Variants in SPATA21 observed in about 807,000 individuals in gnomAD.
SPATA21 encodes the protein spermatogenesis associated 21, also known as spermatogenesis-associated protein 21.
In SPATA21, 47 loss-of-function variants were observed where a neutral mutation model predicts 54.8. The ratio of observed to expected loss-of-function variants is 0.86; its 90% CI spans 0.68 to 1.09. The LOEUF is 1.09. Among genes scored for constraint, SPATA21 ranks in the 50% least tolerant of loss-of-function variants. SPATA21 has a pLI of 0.00. For synonymous variants in SPATA21, 245 were observed against 235.3 expected, an observed-to-expected ratio of 1.04 and a Z score of -0.38; for missense variants, 599 against 596.4, an observed-to-expected ratio of 1.00 and a Z score of -0.05.
chr1:16,401,951 A>T (rs1447424558), intron 10 of SPATA21, among the ~76,000 whole-genome samples: 7 of 152,184 alleles, frequency 4.6e-5, no homozygotes, highest in Non-Finnish European at 8.8e-5. Context: ...ACATCCACAC[A>T]GGGTCCCTGT....
At chr1:16,429,197 C>T (rs1406563637) in intron 3 of SPATA21, among the ~76,000 whole-genome samples, 1 of 149,538 alleles carries the variant, frequency 6.7e-6, no homozygotes, top group Admixed American at 6.6e-5. Flanking sequence ...AGAACGGGGT[C>T]TCGCTATATT....
intron 5 of SPATA21, among the ~76,000 whole-genome samples, chr1:16,419,082 A>G (rs914073276): frequency 2.0e-5 from 3 of 152,228 alleles, no homozygotes; most frequent in Non-Finnish European, 4.4e-5. Context: ...CTACAAAGAC[A>G]ATAAAACAGG....
chr1:16,404,693 C>G (rs1557645841), intron 8 of SPATA21, among the ~76,000 whole-genome samples: 1 of 152,034 alleles, frequency 6.6e-6, no homozygotes, highest in Non-Finnish European at 1.5e-5. Flanking sequence ...GCCTATAGCC[C>G]CAATTACTCA....
chr1:16,435,402 C>T (rs1345083976), intron 1 of SPATA21, among the ~76,000 whole-genome samples: 4 of 151,948 alleles, frequency 2.6e-5, no homozygotes, highest in Admixed American at 6.6e-5. Context: ...CTGCAACCTC[C>T]GTCTCCCGTG....
At chr1:16,432,031 G>C (rs183634422) in intron 2 of SPATA21, among the ~76,000 whole-genome samples, 1 of 152,098 alleles carries the variant, frequency 6.6e-6, no homozygotes, top group African/African-American at 2.4e-5. Flanking sequence ...GTCTCCAGCG[G>C]CAATCTGCAG....
In SPATA21 at chr1:16,425,359, T is replaced by C. The variant is rs1451107289; in HGVS notation, c.35-3388A>G. ...GCAGTGGCCTGAACATAGCTCATTG[T>C]AGCCTTGACCTCCTGGGCTCAAGGG... On this transcript the variant is annotated intron_variant, in intron 3 of 12. Transcript: ENST00000335496. The C allele has an allele frequency of 8.3e-6, 6 of 724,010 alleles. No homozygotes were observed. The East Asian group carries it at 1.7e-4, about 20-fold the overall frequency. 44.8% of individuals were successfully genotyped at this position (724,010 alleles called of 1,614,324 possible).
At position 16,399,394 on chromosome 1, in the gene SPATA21, C is replaced by T; in HGVS notation, c.1302G>A (p.Leu434=). The T allele has an allele frequency of 6.2e-7, 1 of 1,613,820 alleles. No homozygotes were observed. The highest frequency in any genetic ancestry group is 8.5e-7 in the Non-Finnish European group (1 of 1,179,900). The change falls in exon 12 of 13, where the codon CTG becomes CTA. Residue 434 remains leucine (L), a synonymous_variant. Coordinates refer to ENST00000335496, the MANE Select transcript of SPATA21 (RefSeq NM_198546.1). ...YALDQCTPPG[L]DPDIRSPFFQ... is the part of the protein sequence containing the mutation. ...AGAAGGGGCTGCGGATGTCAGGATC[C>T]AGGCCAGGGGGTGTGCACTGGTCTA...
chr1:16,409,768 C>A lies in SPATA21; in HGVS notation c.420G>T (p.Ser140=), dbSNP rs567969050. ...TPASVPASGP[S]WARLPAPGPE... ...GCCCAGGAGCTGGCAGCCGGGCCCACGATGGGCCGCTGGCAGGGACCGAGG... is the reference window on the plus strand; with the variant it reads ...GCCCAGGAGCTGGCAGCCGGGCCCAAGATGGGCCGCTGGCAGGGACCGAGG... Residue 140 remains serine (S), a synonymous_variant, in exon 6 of 13, where the codon TCG becomes TCT. Coordinates refer to ENST00000335496, the MANE Select transcript of SPATA21 (RefSeq NM_198546.1). This position sits in a 1 kb window ranked among gnomAD's most constrained non-coding sequence, Gnocchi z 4.1. The A allele has an allele frequency of 1.9e-6, 3 of 1,605,214 alleles. No homozygotes were observed. Among genetic ancestry groups the A allele is most frequent in the Non-Finnish European group, 2.6e-6 (3 of 1,176,278 alleles).
intron 2 of SPATA21, among the ~76,000 whole-genome samples, chr1:16,432,117 T>TTCTTCTTCTTCTTCTTCTTC (rs1557675718): frequency 4.8e-5 from 7 of 144,936 alleles, no homozygotes; most frequent in African/African-American, 1.8e-4. Flanking sequence ...TCTTCTTCTT[T>TTCTTCTTCTTCTTCTTCTTC]TTTTTTTTTT....
intron 3 of SPATA21, among the ~76,000 whole-genome samples, chr1:16,430,169 T>A (rs1321667039): frequency 6.9e-6 from 1 of 143,950 alleles, no homozygotes; most frequent in East Asian, 2.1e-4. Context: ...GGCTTATGCC[T>A]GTAATCCCAA....
At chr1:16,416,493 C>G (rs1319248256) in intron 5 of SPATA21, among the ~76,000 whole-genome samples, 1 of 152,096 alleles carries the variant, frequency 6.6e-6, no homozygotes, top group Admixed American at 6.5e-5. Context: ...GCCTGGCCAA[C>G]ATGGCGAAAC....
chr1:16,410,015 T>TCCC lies in SPATA21; in HGVS notation c.170_172dup (p.Arg57_Glu58insGly). On this transcript the variant is annotated inframe_insertion, in exon 6 of 13. Transcript: ENST00000335496. Reference sequence around the variant, plus strand: ...AGGCTGCTGCTGCGCACGGTCTGGCTCCCGCCTCTCTCCAATGTCCCTCAC... The same window carrying TCCC: ...AGGCTGCTGCTGCGCACGGTCTGGCTCCCCCCGCCTCTCTCCAATGTCCCTCAC... The TCCC allele has an allele frequency of 6.4e-7, 1 of 1,572,490 alleles. No homozygotes were observed. Among genetic ancestry groups the TCCC allele is most frequent in the Non-Finnish European group, 8.6e-7 (1 of 1,162,082 alleles).
chr1:16,428,624 C>T lies in SPATA21; in HGVS notation c.34+2714G>A, dbSNP rs1045064048. Among the ~76,000 whole-genome samples the T allele has an allele frequency of 6.6e-6, 1 of 151,992 alleles. No individual in the cohort carries two copies. Among genetic ancestry groups the T allele is most frequent in the East Asian group, 1.9e-4 (1 of 5,178 alleles). ...CTTCTGACCTCAAGTGATCCGTCTGCCTCAGCCTCCCAAAGTGCTGGGATT... is the reference window on the plus strand; with the variant it reads ...CTTCTGACCTCAAGTGATCCGTCTGTCTCAGCCTCCCAAAGTGCTGGGATT... On this transcript the variant is annotated intron_variant, in intron 3 of 12. Transcript: ENST00000335496. This position sits in a 1 kb window ranked among gnomAD's most constrained non-coding sequence, Gnocchi z 4.3.
chr1:16,410,282 G>T (rs2085801950), intron 5 of SPATA21, among the ~76,000 whole-genome samples: 1 of 152,184 alleles, frequency 6.6e-6, no homozygotes, highest in Non-Finnish European at 1.5e-5. Context: ...GTTTTACTCT[G>T]TCACTCAGGC....
chr1:16,435,348 G>A (rs180857755), intron 1 of SPATA21, among the ~76,000 whole-genome samples: 13 of 148,954 alleles, frequency 8.7e-5, no homozygotes, highest in South Asian at 2.1e-4. Flanking sequence ...ATGGAGTCTC[G>A]CTCTGTCACC....
At chr1:16,425,092 A>G in intron 3 of SPATA21, 1 of 364,478 alleles carries the variant, frequency 2.7e-6, no homozygotes, top group South Asian at 2.0e-5. Context: ...CTAATTTTAT[A>G]TTTTTTAGTA....
chr1:16,397,530 G>C (rs2085332401), downstream of SPATA21: 1 of 152,220 alleles, frequency 6.6e-6, no homozygotes, highest in Non-Finnish European at 1.5e-5. The surrounding 1 kb of genome is among the most constrained non-coding windows in gnomAD (Gnocchi z 5.4). Flanking sequence ...GGGGGATGGG[G>C]GGCAGAAACC....
chr1:16,422,510 T>TA (rs959520746), intron 3 of SPATA21, among the ~76,000 whole-genome samples: 7 of 23,236 alleles, frequency 3.0e-4, no homozygotes, highest in East Asian at 0.056. Context: ...TGTGTGTGTA[T>TA]TTTTTTTTTT....
chr1:16,413,821 C>T (rs747379109), intron 5 of SPATA21, among the ~76,000 whole-genome samples: 8 of 151,878 alleles, frequency 5.3e-5, no homozygotes, highest in South Asian at 2.1e-4. Flanking sequence ...CTATATTGGC[C>T]GGGCTGGTCT....
Sources: allele counts gnomAD v4.1 joint callset (sites outside exome capture counted in the v4.1 genomes callset), GRCh38; gene constraint gnomAD v4.1.1; non-coding constraint Gnocchi (gnomAD v3.1); transcripts MANE v1.5; gene names NCBI Gene and HGNC (gene_info 2026-07-23, HGNC 2026-07-21).